Variants in ZBTB45 observed in about 807,000 individuals in gnomAD.
ZBTB45 encodes the protein zinc finger and BTB domain-containing protein 45.
A neutral mutation model predicts 28.4 loss-of-function variants in ZBTB45; 22 were observed. The ratio of observed to expected loss-of-function variants is 0.77; its 90% confidence interval spans 0.55 to 1.10. The LOEUF (loss-of-function observed/expected upper bound fraction) is 1.10. ZBTB45 is among the 50% of genes least tolerant of loss of function. The probability of loss-of-function intolerance (pLI) is 0.00; values close to 1 mark genes in which losing one functional copy is unlikely to be tolerated. For synonymous variants in ZBTB45, 361 were observed against 332.3 expected, an observed-to-expected ratio of 1.09 and a Z score of -0.94; for missense variants, 656 against 750.2, an observed-to-expected ratio of 0.87 and a Z score of 1.47.
chr19:58,526,724 G>T (rs1162106480), intron 1 of ZBTB45, among the ~76,000 whole-genome samples: 1 of 147,484 alleles, frequency 6.8e-6, no homozygotes, highest in Non-Finnish European at 1.5e-5. Flanking sequence ...GTAGAGACGG[G>T]GTTTCACCGT....
upstream of ZBTB45, among the ~76,000 whole-genome samples, chr19:58,520,609 G>A (rs1301861701): frequency 6.6e-6 from 1 of 152,176 alleles, no homozygotes; most frequent in African/African-American, 2.4e-5. Context: ...GGTATCATAA[G>A]GGTCCTTAAA....
In ZBTB45 at chr19:58,517,252, G is replaced by A. The variant is rs774223771; in HGVS notation, c.422C>T (p.Pro141Leu). 6.3e-7 allele frequency: 1 copy of A among 1,589,124 alleles called. No individual in the cohort carries two copies. The change falls in exon 2 of 3, where the codon CCC (proline) becomes CTC (leucine). Residue 141 changes from proline to leucine, a missense_variant. By Grantham distance (98) the Pro-to-Leu change is moderately conservative (BLOSUM62 -3). Transcript: ENST00000594051. Reference protein sequence around the residue: ...SAPTPLPTPVPPPLAPAQLRH... With the variant: ...SAPTPLPTPVLPPLAPAQLRH... ...CAGCTGCGCAGGTGCGAGTGGCGGG[G>A]GCACAGGGGTGGGCAGGGGCGTGGG... is the stretch of plus-strand genomic sequence containing the variant.
At chr19:58,518,637 C>T (rs1240957103) in intron 1 of ZBTB45, among the ~76,000 whole-genome samples, 1 of 152,048 alleles carries the variant, frequency 6.6e-6, no homozygotes, top group African/African-American at 2.4e-5. Context: ...CCTCAGAGGA[C>T]TCTGGAATCT....
At chr19:58,523,371 C>G (rs564919342), upstream of ZBTB45, among the ~76,000 whole-genome samples, 2 of 150,544 alleles carry the variant, frequency 1.3e-5, no homozygotes, top group African/African-American at 4.9e-5. Context: ...CATGGTGAAA[C>G]CCGGTCTCTA....
Position 58,515,279 on chromosome 19 carries a change from G to A in ZBTB45, c.1280-969C>T, listed in dbSNP as rs147679819. 5.3e-3 allele frequency among the ~76,000 whole-genome samples: 800 copies of A among 151,488 alleles called. 5 individuals carry two copies. The highest frequency in any genetic ancestry group is 0.018 in the African/African-American group (748 of 41,282). ...TGCAGTGAGCCGAGATCACACCACT[G>A]CACTCCAGCCTGGGCAACAGAGGGA... is the stretch of plus-strand genomic sequence containing the variant. On this transcript the variant is annotated intron_variant, in intron 2 of 2. Transcript: ENST00000594051. The surrounding 1 kb of genome is among the most constrained non-coding windows in gnomAD (Gnocchi z 4.7).
chr19:58,534,543 C>G (rs2053650541), intron 1 of ZBTB45, among the ~76,000 whole-genome samples: 1 of 148,040 alleles, frequency 6.8e-6, no homozygotes, highest in Admixed American at 6.9e-5. Context: ...GCACGTGCCA[C>G]CACGCCCAGC....
At chr19:58,522,432 G>A (rs1049433052), upstream of ZBTB45, among the ~76,000 whole-genome samples, 1 of 151,716 alleles carries the variant, frequency 6.6e-6, no homozygotes, top group African/African-American at 2.4e-5. Flanking sequence ...AAAGTGCTGG[G>A]ATTACAGGCA....
chr19:58,523,107 G>A (rs1333948509), upstream of ZBTB45, among the ~76,000 whole-genome samples: 1 of 152,106 alleles, frequency 6.6e-6, no homozygotes, highest in African/African-American at 2.4e-5. Flanking sequence ...GGCAAGATAG[G>A]GGTGGAAGAC....
chr19:58,517,774 T>A (rs2053531988), intron 1 of ZBTB45, 101 bp from the exon 2 acceptor site: 1 of 1,121,422 alleles, frequency 8.9e-7, no homozygotes, highest in African/African-American at 1.6e-5. Flanking sequence ...AGGGCTCGAG[T>A]GCACCACACT....
In ZBTB45 at chr19:58,528,591, C is replaced by G. The variant is rs141824793; in HGVS notation, c.-1+10110G>C. On this transcript the variant is annotated intron_variant, in intron 1 of 1. Transcript: ENST00000600130. ...CCTGACCAACAGGGAGAAACCCCAT[C>G]TCTACTAAAAATACAAAATTAGGCT... is the stretch of plus-strand genomic sequence containing the variant. Among the ~76,000 whole-genome samples the G allele has an allele frequency of 1.7e-3, 251 of 152,062 alleles. 1 individual carries two copies. Among genetic ancestry groups the G allele is most frequent in the African/African-American group, 5.6e-3 (232 of 41,494 alleles).
At chr19:58,536,409 T>C (rs1254721379) in intron 1 of ZBTB45, among the ~76,000 whole-genome samples, 1 of 144,970 alleles carries the variant, frequency 6.9e-6, no homozygotes, top group Non-Finnish European at 1.5e-5. Flanking sequence ...GAGTTTGCAG[T>C]GAGCCAAGAT....
chr19:58,530,507 T>G (rs1038055787), intron 1 of ZBTB45, among the ~76,000 whole-genome samples: 27 of 151,794 alleles, frequency 1.8e-4, no homozygotes, highest in African/African-American at 6.0e-4. Context: ...GGTTTCTCCA[T>G]GTTGGCCAGG....
upstream of ZBTB45, among the ~76,000 whole-genome samples, chr19:58,523,795 C>A (rs572775321): frequency 7.5e-6 from 1 of 133,774 alleles, no homozygotes; most frequent in Admixed American, 7.2e-5. Flanking sequence ...CTCAGCCTCC[C>A]GAGTAGCTGG....
exon 1 of ZBTB45, chr19:58,538,737 G>T (rs1568654305): frequency 6.6e-6 from 1 of 152,350 alleles, no homozygotes. Flanking sequence ...GGGTTTCATG[G>T]TTGTTCGCGC....
rs527759426 is a variant in ZBTB45, at chr19:58,515,796, T to A, written c.1279+599A>T. On this transcript the variant is annotated intron_variant, in intron 2 of 2. Coordinates refer to ENST00000594051, the MANE Select transcript of ZBTB45 (RefSeq NM_001316979.2). This position sits in a 1 kb window ranked among gnomAD's most constrained non-coding sequence, Gnocchi z 4.7. ...CCACTCTTTACCTCTCCTGCAGCAC[T>A]GCAGAGCCGCCTCCCTGACACGGCC... Among the ~76,000 whole-genome samples the A allele has an allele frequency of 6.6e-6, 1 of 152,160 alleles. No individual in the cohort carries two copies. Among genetic ancestry groups the A allele is most frequent in the Non-Finnish European group, 1.5e-5 (1 of 68,022 alleles).
In ZBTB45 at chr19:58,514,204, G is replaced by A. The variant is rs749834472; in HGVS notation, c.1386C>T (p.Ala462=). Residue 462 remains alanine, a synonymous_variant, in exon 3 of 3, where the codon GCC becomes GCT. Transcript: ENST00000594051. ...THTGVRAFQC[A]VCAKRFTQKS... is the part of the protein sequence containing the mutation. ...TCTGCGTGAAGCGCTTGGCGCAGACGGCGCACTGGAAGGCGCGCACGCCGG... is the reference window on the plus strand; with the variant it reads ...TCTGCGTGAAGCGCTTGGCGCAGACAGCGCACTGGAAGGCGCGCACGCCGG... The A allele has an allele frequency of 3.1e-6, 5 of 1,612,566 alleles. No individual in the cohort carries two copies. Among genetic ancestry groups the A allele is most frequent in the South Asian group, 2.2e-5 (2 of 91,048 alleles).
At chr19:58,527,307 C>T (rs2053613048) in intron 1 of ZBTB45, among the ~76,000 whole-genome samples, 1 of 152,274 alleles carries the variant, frequency 6.6e-6, no homozygotes, top group African/African-American at 2.4e-5. Context: ...CATATAATTT[C>T]CCATGTGCAC....
rs1355504708 is a variant in ZBTB45 at position 58,517,041 on chromosome 19, G to A, written c.633C>T (p.Asp211=). ...CATCGGTCTCATCGTCACTTTCCTC[G>A]TCATCCTCGTCACCTCGGTCATCAG... ...AAPDDRGDED[D]EESDDETDGE... is the part of the protein sequence containing the mutation. Residue 211 remains aspartate (D), a synonymous_variant, in exon 2 of 3, where the codon GAC becomes GAT. Transcript: ENST00000594051. 9.9e-6 allele frequency: 16 copies of A among 1,613,244 alleles called. No individual in the cohort carries two copies. The highest frequency in any genetic ancestry group is 5.0e-5 in the Admixed American group (3 of 60,024).
intron 2 of ZBTB45, among the ~76,000 whole-genome samples, chr19:58,514,589 C>T (rs2053466195): frequency 6.6e-6 from 1 of 152,144 alleles, no homozygotes; most frequent in African/African-American, 2.4e-5. Context: ...TCTCCCATCC[C>T]TTCCTGGCAG....
Sources: allele counts gnomAD v4.1 joint callset (sites outside exome capture counted in the v4.1 genomes callset), GRCh38; gene constraint gnomAD v4.1.1; non-coding constraint Gnocchi (gnomAD v3.1); transcripts MANE v1.5; gene names NCBI Gene and HGNC (gene_info 2026-07-23, HGNC 2026-07-21).